SFMBT2: variants seen among roughly 807,000 people sequenced by gnomAD.
SFMBT2 encodes the protein Scm like with four mbt domains 2, also known as scm-like with four MBT domains protein 2.
Under a neutral mutation model 110.1 loss-of-function variants are expected in SFMBT2, and 38 were observed. That is an observed-to-expected ratio of 0.35 (90% CI 0.27 to 0.45). SFMBT2 has a LOEUF of 0.45. SFMBT2 is among the 20% of genes least tolerant of loss of function. The pLI is 1.00. For synonymous variants in SFMBT2, 425 were observed against 425.4 expected (o/e 1.00, Z 0.01); for missense variants, 1,011 against 1,094.9 (o/e 0.92, Z 1.08).
At position 7,255,337 on chromosome 10, in the gene SFMBT2, A is replaced by G. The variant is rs543310667; in HGVS notation, c.871-6688T>C. 7.9e-5 allele frequency among the ~76,000 whole-genome samples: 12 copies of G among 152,340 alleles called. No individual in the cohort carries two copies. In the South Asian group the frequency reaches 1.9e-3, roughly 24 times the overall value. ...ATCATTCACACTTTGCAATTATTGG[A>G]TCAAGAATGATGTTATTCCCGTTAT... On this transcript the variant is annotated intron_variant, in intron 7 of 20. Coordinates refer to ENST00000397167, the MANE Select transcript of SFMBT2 (RefSeq NM_001387889.1).
At chr10:7,348,505 A>T (rs1844194135) in intron 4 of SFMBT2, among the ~76,000 whole-genome samples, 1 of 152,206 alleles carries the variant, frequency 6.6e-6, no homozygotes, top group African/African-American at 2.4e-5. Context: ...TTGAGAAGAG[A>T]TCATCAGAAA....
intron 20 of SFMBT2, among the ~76,000 whole-genome samples, chr10:7,168,577 C>G (rs962917755): frequency 2.0e-5 from 3 of 152,218 alleles, no homozygotes; most frequent in Admixed American, 2.0e-4. Context: ...TCAGCGCAAC[C>G]AAACATGCAT....
chr10:7,377,016 A>G (rs1430927781), intron 2 of SFMBT2, among the ~76,000 whole-genome samples: 6 of 151,496 alleles, frequency 4.0e-5, no homozygotes. Flanking sequence ...TAAAAATACA[A>G]AAATTAGCTG....
intron 1 of SFMBT2, among the ~76,000 whole-genome samples, chr10:7,405,383 G>C (rs1161975494): frequency 6.6e-6 from 1 of 152,218 alleles, no homozygotes; most frequent in Non-Finnish European, 1.5e-5. Context: ...ATACCTTTAT[G>C]GGGTTATGTG....
At chr10:7,224,250 C>T (rs1012514159) in intron 10 of SFMBT2, among the ~76,000 whole-genome samples, 50 of 152,314 alleles carry the variant, frequency 3.3e-4, no homozygotes, top group African/African-American at 1.2e-3. Flanking sequence ...ACTACAGACT[C>T]TGCCTCTTGA....
At position 7,328,895 on chromosome 10, in the gene SFMBT2, G is replaced by A. The variant is rs558509650; in HGVS notation, c.436+38754C>T. The stretch of plus-strand genomic sequence containing the variant: ...ACTGGGACCCATTTCTACTATACAG[G>A]AGCAGAAGGCTGCCTTCCCCAGTGA... On this transcript the variant is annotated intron_variant, in intron 4 of 20. Transcript: ENST00000397167. 8.5e-5 allele frequency among the ~76,000 whole-genome samples: 13 copies of A among 152,202 alleles called. 1 individual carries two copies. The highest frequency in any genetic ancestry group is 8.3e-4 in the South Asian group (4 of 4,830).
At chr10:7,188,834 C>T (rs1395230131) in intron 15 of SFMBT2, 101 bp from the exon 16 acceptor site, 15 of 890,954 alleles carry the variant, frequency 1.7e-5, no homozygotes, top group African/African-American at 3.3e-5. Flanking sequence ...AGGAACAGCT[C>T]GCCACTACAC....
At position 7,408,246 on chromosome 10, in the gene SFMBT2, A is replaced by G. The variant is rs12775090; in HGVS notation, c.-52+2615T>C. 0.77 allele frequency among the ~76,000 whole-genome samples: 116,452 copies of G among 152,176 alleles called. 45,922 individuals are homozygous for G. Among genetic ancestry groups the G allele is most frequent in the East Asian group, 1 (5,144 of 5,148 alleles). On this transcript the variant is annotated intron_variant, in intron 1 of 20. Coordinates refer to ENST00000397167, the MANE Select transcript of SFMBT2 (RefSeq NM_001387889.1). The surrounding 1 kb of genome is among the most constrained non-coding windows in gnomAD (Gnocchi z 5.7). The stretch of plus-strand genomic sequence containing the variant: ...GCCGGCCCCGGGAGGGCGCGCCCAA[A>G]CGCAGGCTGGAGGAGCCACGGACGC...
chr10:7,351,783 C>T (rs906785514), intron 4 of SFMBT2, among the ~76,000 whole-genome samples: 1 of 151,954 alleles, frequency 6.6e-6, no homozygotes, highest in Non-Finnish European at 1.5e-5. Flanking sequence ...ACCCGTGTGG[C>T]TGTATTTCAA....
intron 1 of SFMBT2, among the ~76,000 whole-genome samples, chr10:7,405,160 G>T (rs185874722): frequency 7.1e-4 from 108 of 152,304 alleles, no homozygotes; most frequent in Non-Finnish European, 1.4e-3. Context: ...CAGAGTGGAT[G>T]CTCACACTCA....
At chr10:7,282,531 C>A (rs1841974819) in intron 6 of SFMBT2, among the ~76,000 whole-genome samples, 2 of 152,246 alleles carry the variant, frequency 1.3e-5, no homozygotes, top group African/African-American at 4.8e-5. Flanking sequence ...CTTCACAACA[C>A]GACAGGCTCT....
intron 9 of SFMBT2, chr10:7,241,298 A>T: frequency 1.0e-6 from 1 of 974,158 alleles, no homozygotes; most frequent in South Asian, 4.7e-5. Flanking sequence ...AGACTAGTAC[A>T]CTGAACTAAT....
intron 4 of SFMBT2, among the ~76,000 whole-genome samples, chr10:7,339,789 A>G (rs1554806711): frequency 6.6e-6 from 1 of 152,204 alleles, no homozygotes; most frequent in Non-Finnish European, 1.5e-5. Context: ...AACCCACTTC[A>G]TGACTGTCAG....
chr10:7,204,254 C>T (rs1839055814), intron 12 of SFMBT2: 3 of 744,024 alleles, frequency 4.0e-6, no homozygotes, highest in Non-Finnish European at 4.9e-6. Flanking sequence ...CTTAATAATG[C>T]TAACTAGAGG....
intron 7 of SFMBT2, among the ~76,000 whole-genome samples, chr10:7,270,265 C>A (rs540937638): frequency 5.9e-5 from 9 of 152,252 alleles, no homozygotes; most frequent in African/African-American, 2.2e-4. Context: ...AAGCCAGGGC[C>A]GCCCTCTGCT....
chr10:7,298,653 GTGTA>G (rs761176091), intron 4 of SFMBT2, among the ~76,000 whole-genome samples: 1 of 152,142 alleles, frequency 6.6e-6, no homozygotes, highest in Non-Finnish European at 1.5e-5. Context: ...ATGTATATGT[GTGTA>G]TGTATGTGCG....
At chr10:7,191,442 C>T (rs115077344) in intron 15 of SFMBT2, among the ~76,000 whole-genome samples, 3,347 of 152,324 alleles carry the variant, frequency 0.022, 121 homozygotes, top group African/African-American at 0.076. Context: ...ACCGCCAGGG[C>T]GATCCTTTCA....
intron 4 of SFMBT2, among the ~76,000 whole-genome samples, chr10:7,313,293 A>C (rs1842906198): frequency 1.3e-5 from 2 of 152,080 alleles, no homozygotes; most frequent in Non-Finnish European, 2.9e-5. Context: ...AAAAACCTAG[A>C]GGGGCGAATA....
At chr10:7,395,701 C>CTT (rs34293825) in intron 1 of SFMBT2, among the ~76,000 whole-genome samples, 5,203 of 135,508 alleles carry the variant, frequency 0.038, 151 homozygotes, top group African/African-American at 0.082. Flanking sequence ...TCTAAAAGCT[C>CTT]TTTTTTTTTT....
Sources: allele counts gnomAD v4.1 joint callset (sites outside exome capture counted in the v4.1 genomes callset), GRCh38; gene constraint gnomAD v4.1.1; non-coding constraint Gnocchi (gnomAD v3.1); transcripts MANE v1.5; gene names NCBI Gene and HGNC (gene_info 2026-07-23, HGNC 2026-07-21).